Variants in SLC2A8 observed in about 807,000 individuals in gnomAD.
The protein encoded by SLC2A8 is solute carrier family 2 member 8.
Under a neutral mutation model 49.2 loss-of-function variants are expected in SLC2A8, and 53 were observed. That is an observed-to-expected ratio of 1.08 (90% CI 0.86 to 1.35). The LOEUF is 1.35. Ranked by LOEUF, SLC2A8 falls within the 40% of genes most tolerant of loss-of-function variation. SLC2A8 has a pLI of 0.00. For missense variants in SLC2A8, 688 were observed against 671.7 expected (o/e 1.02, Z -0.27); for synonymous variants, 299 against 297.0 (o/e 1.01, Z -0.07).
At chr9:127,401,841 CACTGGGAACCA>C (rs1833302961) in intron 4 of SLC2A8, among the ~76,000 whole-genome samples, 4 of 152,270 alleles carry the variant, frequency 2.6e-5, no homozygotes, top group Admixed American at 2.6e-4. Context: ...GGTATTTTTC[CACTGGGAACCA>C]GGGATGGGTA....
intron 3 of SLC2A8, 134 bp downstream of exon 3, chr9:127,398,245 G>C: frequency 1.1e-6 from 1 of 930,436 alleles, no homozygotes; most frequent in South Asian, 1.3e-5. Flanking sequence ...AAGTCCCTGC[G>C]TTATCTCGCG....
rs750215303 is a variant in SLC2A8, at chr9:127,403,972, C to A, written c.881C>A (p.Ala294Asp). Residue 294 changes from alanine (A) to aspartate (D), a missense_variant, in exon 7 of 10, where the codon GCC becomes GAC. Transcript: ENST00000373371. ...EEAKFKDSSL[A>D]SVVVGVIQVL... The stretch of plus-strand genomic sequence containing the variant: ...TGTCTCCCCCAGGACAGCAGCCTGG[C>A]CTCGGTCGTCGTGGGTGTCATCCAG... 2 of 1,610,876 alleles carry A rather than the reference C, an allele frequency of 1.2e-6. No homozygotes were observed. The highest frequency in any genetic ancestry group is 1.7e-6 in the Non-Finnish European group (2 of 1,178,418).
chr9:127,401,362 G>A (rs965237840), intron 4 of SLC2A8, among the ~76,000 whole-genome samples: 4 of 152,218 alleles, frequency 2.6e-5, no homozygotes, highest in Admixed American at 6.5e-5. Context: ...AGGAGGCCTC[G>A]GGGGCCTGAC....
chr9:127,397,864 G>T, intron 2 of SLC2A8, 41 bp from the exon 3 acceptor site: 1 of 1,439,908 alleles, frequency 6.9e-7, no homozygotes, highest in Non-Finnish European at 9.1e-7. Flanking sequence ...AGGATGGGCT[G>T]CGGCTTCGGC....
rs1243314228 is a variant in SLC2A8 at position 127,397,392 on chromosome 9, C to A, written c.73C>A (p.Arg25Ser). 2.0e-6 allele frequency: 3 copies of A among 1,470,994 alleles called. No individual in the cohort carries two copies. The highest frequency in any genetic ancestry group is 2.7e-6 in the Non-Finnish European group (3 of 1,119,892). 91.1% of individuals were successfully genotyped at this position (1,470,994 alleles called of 1,614,324 possible). The change falls in exon 2 of 10, where the codon CGC becomes AGC. Residue 25 changes from arginine to serine, a missense_variant. Physicochemically the swap from Arg to Ser is moderately radical, Grantham distance 110. Coordinates refer to ENST00000373371, the MANE Select transcript of SLC2A8 (RefSeq NM_014580.5). ...TCCCCCCAGCGCGCCCCGCGGCCGC[C>A]GCGTCTTCCTCGCCGCCTTCGCCGC... is the stretch of plus-strand genomic sequence containing the variant. ...PPGGSAPRGR[R>S]VFLAAFAAAL... is the part of the protein sequence containing the mutation.
chr9:127,405,182 C>T (rs889347129), intron 8 of SLC2A8, among the ~76,000 whole-genome samples, 191 bp downstream of exon 8: 24 of 152,260 alleles, frequency 1.6e-4, no homozygotes, highest in African/African-American at 5.3e-4. Context: ...ACTTAATCCC[C>T]TGAGCAGCCC....
chr9:127,407,227 C>A lies in SLC2A8; in HGVS notation c.1412C>A (p.Thr471Lys). ...AAAGGAAAGACTCTGGAACAAATCA[C>A]AGCCCATTTTGAGGGGCGATGACAG... ...ETKGKTLEQITAHFEGR is the reference protein window; with the variant it reads ...ETKGKTLEQIKAHFEGR The change falls in exon 10 of 10, where the codon ACA becomes AAA. Residue 471 changes from threonine to lysine, a missense_variant. By Grantham distance (78) the Thr-to-Lys change is moderately conservative. Transcript: ENST00000373371. 4 of 1,613,320 alleles carry A rather than the reference C, an allele frequency of 2.5e-6. No individual in the cohort carries two copies. The highest frequency in any genetic ancestry group is 3.4e-6 in the Non-Finnish European group (4 of 1,180,010).
At chr9:127,397,662 T>C in intron 2 of SLC2A8, 124 bp downstream of exon 2, 1 of 1,273,992 alleles carries the variant, frequency 7.8e-7, no homozygotes, top group Non-Finnish European at 1.0e-6. Flanking sequence ...CGCCACCACC[T>C]TTCCCCACGA....
In SLC2A8 at chr9:127,405,572, G is replaced by C; in HGVS notation, c.1296+7G>C. On this transcript the variant is annotated splice_region_variant and intron_variant, in intron 9 of 9. Coordinates refer to ENST00000373371, the MANE Select transcript of SLC2A8 (RefSeq NM_014580.5). ...GGAGTTCAGCAGCCTCATGGTGAGG[G>C]CAGGCTCCACCAGCACCGCGTTCGT... 1 of 1,612,858 alleles carries C rather than the reference G, an allele frequency of 6.2e-7. No individual in the cohort carries two copies. Among genetic ancestry groups the C allele is most frequent in the Non-Finnish European group, 8.5e-7 (1 of 1,179,946 alleles).
intron 5 of SLC2A8, chr9:127,403,225 G>T (rs1833358562): frequency 4.8e-6 from 1 of 209,452 alleles, no homozygotes; most frequent in African/African-American, 2.4e-5. Flanking sequence ...CTCAGTGGGG[G>T]AAAGGAAGGC....
In SLC2A8 at chr9:127,401,406, G is replaced by C. The variant is rs909167353; in HGVS notation, c.527-1151G>C. On this transcript the variant is annotated intron_variant, in intron 4 of 9. Transcript: ENST00000373371. ...GCCTGGCCCAGGGCACAAGCCCTCT[G>C]CATCGTCAGGGCGGATGATACACAG... is the stretch of plus-strand genomic sequence containing the variant. Among the ~76,000 whole-genome samples the C allele has an allele frequency of 2.6e-5, 4 of 152,232 alleles. No homozygotes were observed. The East Asian group carries it at 7.7e-4, about 29-fold the overall frequency.
chr9:127,397,338 C>G, intron 1 of SLC2A8, 38 bp from the exon 2 acceptor site: 36 of 1,390,642 alleles, frequency 2.6e-5, no homozygotes, highest in Non-Finnish European at 3.3e-5. Flanking sequence ...CCCGCCCCTC[C>G]GCGTCCGCTC....
At position 127,399,132 on chromosome 9, in the gene SLC2A8, T is replaced by C. The variant is rs545778761; in HGVS notation, c.427-775T>C. Among the ~76,000 whole-genome samples the C allele has an allele frequency of 6.6e-6, 1 of 152,306 alleles. No individual in the cohort carries two copies. Among genetic ancestry groups the C allele is most frequent in the East Asian group, 1.9e-4 (1 of 5,184 alleles). On this transcript the variant is annotated intron_variant, in intron 3 of 9. Transcript: ENST00000373371. This position sits in a 1 kb window ranked among gnomAD's most constrained non-coding sequence, Gnocchi z 4.2. ...CCAGGAGGGAGCTAGTGGCAGCCACTGGTAGTGACCGAGGCAGAGAGTTCG... is the reference window on the plus strand; with the variant it reads ...CCAGGAGGGAGCTAGTGGCAGCCACCGGTAGTGACCGAGGCAGAGAGTTCG...
At position 127,407,228 on chromosome 9, in the gene SLC2A8, A is replaced by AG. The variant is rs1833524507; in HGVS notation, c.1414dup (p.Ala472GlyfsTer4). On this transcript the variant is annotated frameshift_variant, in exon 10 of 10. Transcript: ENST00000373371. LOFTEE classifies it high-confidence loss of function. Reference sequence around the variant, plus strand: ...AAGGAAAGACTCTGGAACAAATCACAGCCCATTTTGAGGGGCGATGACAGC... The same window carrying AG: ...AAGGAAAGACTCTGGAACAAATCACAGGCCCATTTTGAGGGGCGATGACAGC... 1 of 1,613,144 alleles carries AG rather than the reference A, an allele frequency of 6.2e-7. No homozygotes were observed. Among genetic ancestry groups the AG allele is most frequent in the Non-Finnish European group, 8.5e-7 (1 of 1,179,998 alleles).
At chr9:127,400,696 C>G (rs114120375) in intron 4 of SLC2A8, among the ~76,000 whole-genome samples, 1 of 152,038 alleles carries the variant, frequency 6.6e-6, no homozygotes. Context: ...ACCATGTCGG[C>G]GAGTTGCAAC....
intron 8 of SLC2A8, 144 bp from the exon 9 acceptor site, chr9:127,405,276 A>C: frequency 1.0e-6 from 1 of 986,058 alleles, no homozygotes. Context: ...CTTGGCAGGA[A>C]AGCATGGAGC....
Position 127,407,582 on chromosome 9 carries a change from G to A in SLC2A8, c.*333G>A. On this transcript the variant is annotated 3_prime_UTR_variant, in exon 10 of 10. Transcript: ENST00000373371. ...GGCTGGAGGTGCTTTTGGAGGTTGG[G>A]TGCTGGGCATTCAGTCGCTCCTCTC... The A allele has an allele frequency of 2.3e-6, 1 of 426,738 alleles. No homozygotes were observed. The highest frequency in any genetic ancestry group is 4.8e-6 in the Non-Finnish European group (1 of 210,172). The allele number at this position is 426,738 out of a possible 1,614,324, so 26.4% of individuals were successfully genotyped here. A position where few individuals can be genotyped will look rare whatever the true frequency, so the allele number is the denominator to read the frequency against.
Position 127,407,186 on chromosome 9 carries a change from C to A in SLC2A8, c.1371C>A (p.Phe457Leu), listed in dbSNP as rs143255917. Residue 457 changes from phenylalanine (F) to leucine (L), a missense_variant, in exon 10 of 10, where the codon TTC becomes TTA. Physicochemically the swap from Phe to Leu is conservative, Grantham distance 22. Coordinates refer to ENST00000373371, the MANE Select transcript of SLC2A8 (RefSeq NM_014580.5). ...TCTTCAGTGTCCTTTTCACTTTGTT[C>A]TGTGTCCCTGAAACTAAAGGAAAGA... ...FCIFSVLFTL[F>L]CVPETKGKTL... 4.2e-4 allele frequency: 681 copies of A among 1,613,654 alleles called. 1 individual carries two copies. The African/African-American group carries it at 7.5e-3, about 18-fold the overall frequency.
Position 127,403,589 on chromosome 9 carries a change from T to C in SLC2A8, c.724-71T>C, listed in dbSNP as rs1833373976. On this transcript the variant is annotated intron_variant, in intron 5 of 9. Transcript: ENST00000373371. ...CAGCGCTCCCCAAGCCTTAGGACAG[T>C]AGACCCCCAGAGGGGGGCCGCTTGC... 2.5e-6 allele frequency: 4 copies of C among 1,586,258 alleles called. No individual in the cohort carries two copies. In the East Asian group the frequency reaches 8.9e-5, roughly 35 times the overall value.
Sources: gnomAD v4.1 joint callset for allele counts (sites outside exome capture counted in the v4.1 genomes callset) on GRCh38, gnomAD v4.1.1 for gene constraint, Gnocchi (gnomAD v3.1) non-coding constraint, MANE v1.5 for transcripts, NCBI Gene and HGNC (gene_info 2026-07-23, HGNC 2026-07-21) for gene names.